The following IL16 variants were observed in gnomAD, a reference collection of about 807,000 sequenced individuals.
The protein encoded by IL16 is pro-interleukin-16.
IL16 carries 67 observed loss-of-function variants against 110.1 expected under a neutral mutation model. That is an observed-to-expected ratio of 0.61 (90% CI 0.50 to 0.75). The LOEUF is 0.75. Ranked by LOEUF, IL16 falls within the 30% of genes least tolerant of loss-of-function variation. The probability of loss-of-function intolerance (pLI) is 0.00; values close to 1 mark genes in which losing one functional copy is unlikely to be tolerated. For synonymous variants in IL16, 689 were observed against 662.9 expected, an observed-to-expected ratio of 1.04 and a Z score of -0.61; for missense variants, 1,545 against 1,655.0, an observed-to-expected ratio of 0.93 and a Z score of 1.15.
chr15:81,243,164 T>TATATATATATACATATA (rs60077602), intron 2 of IL16, among the ~76,000 whole-genome samples: 1 of 15,774 alleles, frequency 6.3e-5, no homozygotes, highest in East Asian at 1.3e-3. Context: ...TATATATATA[T>TATATATATATACATATA]TTTTTTTTTT....
Position 81,293,025 on chromosome 15 carries a change from C to T in IL16, c.1890C>T (p.Pro630=), listed in dbSNP as rs754751533. The T allele has an allele frequency of 2.5e-6, 4 of 1,605,710 alleles. No individual in the cohort carries two copies. The South Asian group carries it at 4.4e-5, about 18-fold the overall frequency. The part of the protein sequence containing the change: ...NSSCSSGHTP[P]TCGQEARELL... ...CATGCTCTTCTGGGCACACCCCACC[C>T]ACCTGTGGCCAGGTAAGAGGATGGG... The change falls in exon 12 of 19, where the codon CCC becomes CCT. Residue 630 remains proline (P), a synonymous_variant. Transcript: ENST00000683961.
intron 1 of IL16, among the ~76,000 whole-genome samples, chr15:81,222,165 T>C (rs760270319): frequency 1.3e-5 from 2 of 152,126 alleles, no homozygotes; most frequent in African/African-American, 2.4e-5. Flanking sequence ...CAATTCTTGG[T>C]GGGACAAGAA....
intron 1 of IL16, among the ~76,000 whole-genome samples, chr15:81,199,998 TC>T (rs1895751469): frequency 6.6e-6 from 1 of 152,108 alleles, no homozygotes; most frequent in African/African-American, 2.4e-5. Context: ...CTGTAAAAAA[TC>T]AGAGAAAACC....
intron 1 of IL16, among the ~76,000 whole-genome samples, chr15:81,205,436 G>A (rs929104855): frequency 6.6e-6 from 1 of 152,090 alleles, no homozygotes; most frequent in Non-Finnish European, 1.5e-5. Flanking sequence ...TGCCATTCTT[G>A]CAATCAATGA....
At chr15:81,285,502 C>T (rs548978772) in intron 9 of IL16, among the ~76,000 whole-genome samples, 196 bp from the exon 10 acceptor site, 5 of 152,150 alleles carry the variant, frequency 3.3e-5, no homozygotes, top group East Asian at 1.9e-4. Flanking sequence ...TGTGGTTGTA[C>T]GGTAAGGGGG....
At chr15:81,243,912 T>G (rs1199127254) in intron 2 of IL16, among the ~76,000 whole-genome samples, 2 of 152,144 alleles carry the variant, frequency 1.3e-5, no homozygotes, top group Non-Finnish European at 2.9e-5. Context: ...CTTTTATTTC[T>G]GATATTAGTA....
Position 81,299,849 on chromosome 15 carries a change from G to C in IL16, c.2523G>C (p.Gln841His). 1 of 1,613,900 alleles carries C rather than the reference G, an allele frequency of 6.2e-7. No homozygotes were observed. Among genetic ancestry groups the C allele is most frequent in the East Asian group, 2.2e-5 (1 of 44,880 alleles). Reference sequence around the variant, plus strand: ...CCTCCTCCTCCTCCTCCATCAGGCAGAGAATCAGCTCCTTTGAAACCTTTG... The same window carrying C: ...CCTCCTCCTCCTCCTCCATCAGGCACAGAATCAGCTCCTTTGAAACCTTTG... ...RASSSSSSIR[Q>H]RISSFETFGS... Residue 841 changes from glutamine to histidine, a missense_variant, in exon 14 of 19, where the codon CAG becomes CAC. Physicochemically the swap from Gln to His is conservative, Grantham distance 24. This residue lies in a region of IL16 where 1,185 missense variants were observed against 1,238.8 expected (regional missense o/e 0.96). Coordinates refer to ENST00000683961, the MANE Select transcript of IL16 (RefSeq NM_172217.5).
chr15:81,305,653 GT>G, intron 16 of IL16: 1 of 488,702 alleles, frequency 2.0e-6, no homozygotes, highest in Non-Finnish European at 3.6e-6. Flanking sequence ...AATCGTGGTG[GT>G]ACACTATAGG....
At chr15:81,222,774 A>G (rs1160060291) in intron 1 of IL16, among the ~76,000 whole-genome samples, 7 of 151,216 alleles carry the variant, frequency 4.6e-5, no homozygotes, top group East Asian at 1.9e-4. Flanking sequence ...ACACACACAT[A>G]CCCACACACA....
At chr15:81,220,203 C>T (rs1289570062) in intron 1 of IL16, among the ~76,000 whole-genome samples, 5 of 152,222 alleles carry the variant, frequency 3.3e-5, no homozygotes, top group African/African-American at 9.6e-5. Context: ...GCTGTGATTT[C>T]GGCTCACTGC....
chr15:81,213,415 T>C (rs1310188627), intron 1 of IL16, among the ~76,000 whole-genome samples: 1 of 152,194 alleles, frequency 6.6e-6, no homozygotes, highest in South Asian at 2.1e-4. Flanking sequence ...ACTGTTCAAG[T>C]GCTGAGTTTA....
chr15:81,240,696 G>A (rs1420054866), intron 2 of IL16, among the ~76,000 whole-genome samples: 1 of 151,422 alleles, frequency 6.6e-6, no homozygotes, highest in African/African-American at 2.4e-5. Context: ...TTTTCTTTTG[G>A]CTTGCTAGTC....
At chr15:81,260,839 A>AT (rs1322592152) in intron 3 of IL16, among the ~76,000 whole-genome samples, 3 of 152,002 alleles carry the variant, frequency 2.0e-5, no homozygotes, top group Admixed American at 6.5e-5. Flanking sequence ...AAATAAAAAT[A>AT]TTTTTAAAAA....
At chr15:81,192,905 G>C (rs1399854315), upstream of IL16, among the ~76,000 whole-genome samples, 1 of 152,208 alleles carries the variant, frequency 6.6e-6, no homozygotes, top group Admixed American at 6.5e-5. Context: ...GATGTGGAAG[G>C]TTAGAGAGAT....
At chr15:81,280,217 C>T (rs12441291) in intron 8 of IL16, among the ~76,000 whole-genome samples, 1 of 152,232 alleles carries the variant, frequency 6.6e-6, no homozygotes, top group East Asian at 1.9e-4. Context: ...GCCACCCCCC[C>T]AGGTGGGGGC....
chr15:81,192,139 T>G (rs1895507358), upstream of IL16, among the ~76,000 whole-genome samples: 1 of 152,226 alleles, frequency 6.6e-6, no homozygotes, highest in South Asian at 2.1e-4. Context: ...AATAATCATG[T>G]ATCAGTATTG....
intron 1 of IL16, among the ~76,000 whole-genome samples, chr15:81,211,851 T>G (rs545475156): frequency 4.6e-4 from 70 of 152,350 alleles, no homozygotes; most frequent in Non-Finnish European, 8.5e-4. Flanking sequence ...TCTTGCATCC[T>G]AGGAATAAAG....
intron 1 of IL16, among the ~76,000 whole-genome samples, chr15:81,201,786 G>A (rs903106023): frequency 2.0e-5 from 3 of 152,154 alleles, no homozygotes; most frequent in Non-Finnish European, 2.9e-5. Context: ...AGCTTGTTGA[G>A]TATTCTCTCT....
intron 5 of IL16, among the ~76,000 whole-genome samples, chr15:81,271,656 G>A (rs1229413196): frequency 1.3e-5 from 2 of 152,158 alleles, no homozygotes; most frequent in African/African-American, 2.4e-5. Context: ...GGATGGGTGA[G>A]ACTTTGAGTC....
Sources: allele counts gnomAD v4.1 joint callset (sites outside exome capture counted in the v4.1 genomes callset), GRCh38; gene constraint gnomAD v4.1.1; regional missense constraint gnomAD v4.1.1; transcripts MANE v1.5; gene names NCBI Gene and HGNC (gene_info 2026-07-23, HGNC 2026-07-21).